Variants in DPH6 observed in about 807,000 individuals in gnomAD.
The protein encoded by DPH6 is diphthamine biosynthesis 6, also known as diphthine--ammonia ligase.
In DPH6, 33 loss-of-function variants were observed where a neutral mutation model predicts 38.2. That is an observed-to-expected ratio of 0.86 (90% CI 0.65 to 1.15). DPH6 has a LOEUF of 1.15. Ranked by LOEUF, DPH6 falls within the 50% of genes most tolerant of loss-of-function variation. The pLI, the probability that DPH6 is intolerant of heterozygous loss-of-function variation, is 0.00. For missense variants in DPH6, 325 were observed against 320.0 expected (o/e 1.02, Z -0.12); for synonymous variants, 108 against 103.0 (o/e 1.05, Z -0.30).
intron 3 of DPH6, among the ~76,000 whole-genome samples, chr15:35,488,510 A>G (rs2054434334): frequency 6.6e-6 from 1 of 152,200 alleles, no homozygotes; most frequent in South Asian, 2.1e-4. Flanking sequence ...CGAGTGAGCA[A>G]GAAGTGCCAA....
intron 3 of DPH6, among the ~76,000 whole-genome samples, chr15:35,294,681 TCCCTTTTA>T (rs952063501): frequency 3.3e-5 from 5 of 152,188 alleles, no homozygotes; most frequent in African/African-American, 1.2e-4. Context: ...ACAGGTATAG[TCCCTTTTA>T]CACAGAGCCT....
At chr15:35,222,825 T>C in intron 3 of DPH6, among the ~76,000 whole-genome samples, 1 of 152,088 alleles carries the variant, frequency 6.6e-6, no homozygotes, top group East Asian at 1.9e-4. Flanking sequence ...GAAATTCAAC[T>C]GTTTCAGGGT....
chr15:35,389,372 C>G (rs1219418517), intron 6 of DPH6, among the ~76,000 whole-genome samples: 1 of 152,126 alleles, frequency 6.6e-6, no homozygotes, highest in East Asian at 1.9e-4. Context: ...TGGTGCAGAG[C>G]TGAGTTCAAT....
At chr15:35,402,657 T>C (rs2053235593) in intron 6 of DPH6, among the ~76,000 whole-genome samples, 3 of 152,098 alleles carry the variant, frequency 2.0e-5, no homozygotes, top group Admixed American at 2.0e-4. Flanking sequence ...TATTTGCTTA[T>C]AAGATTATAA....
At chr15:35,541,658 G>A (rs2141567983) in intron 2 of DPH6, among the ~76,000 whole-genome samples, 1 of 152,228 alleles carries the variant, frequency 6.6e-6, no homozygotes, top group East Asian at 1.9e-4. Flanking sequence ...CCTGTGAGAA[G>A]CAGTAATACA....
chr15:35,496,172 T>A (rs77753035), intron 3 of DPH6, among the ~76,000 whole-genome samples: 6,252 of 152,206 alleles, frequency 0.041, 428 homozygotes, highest in African/African-American at 0.14. Flanking sequence ...TCTAATTACT[T>A]AGAAAAAATT....
intron 3 of DPH6, among the ~76,000 whole-genome samples, chr15:35,350,024 T>A (rs1340520580): frequency 6.6e-6 from 1 of 152,160 alleles, no homozygotes; most frequent in African/African-American, 2.4e-5. Context: ...GAGAAGGATT[T>A]TTGTTAGTTC....
intron 3 of DPH6, among the ~76,000 whole-genome samples, chr15:35,475,402 C>A (rs904372604): frequency 4.0e-5 from 6 of 151,872 alleles, no homozygotes; most frequent in Non-Finnish European, 8.8e-5. Flanking sequence ...CAATCAAAAT[C>A]TGAAATCATA....
At chr15:35,395,445 T>C (rs192931416) in intron 6 of DPH6, among the ~76,000 whole-genome samples, 142 of 152,336 alleles carry the variant, frequency 9.3e-4, no homozygotes, top group African/African-American at 3.3e-3. Flanking sequence ...CCCAAATCAC[T>C]TGGCCTATCT....
chr15:35,212,718 C>T (rs937593114), downstream of DPH6, among the ~76,000 whole-genome samples: 21 of 152,130 alleles, frequency 1.4e-4, no homozygotes, highest in Admixed American at 1.3e-3. Context: ...GTCTCCTTTC[C>T]TTCTAAAACT....
chr15:35,158,463 ATT>A, the DPH6 span, among the ~76,000 whole-genome samples: 1 of 152,116 alleles, frequency 6.6e-6, no homozygotes, highest in Non-Finnish European at 1.5e-5. Flanking sequence ...TTTTCTAAAC[ATT>A]CTTACAGCAA....
chr15:35,511,142 C>T (rs547603626), intron 3 of DPH6, among the ~76,000 whole-genome samples: 1 of 152,214 alleles, frequency 6.6e-6, no homozygotes, highest in African/African-American at 2.4e-5. Context: ...TTAATAAGAT[C>T]CCCAAATGAT....
chr15:35,336,180 C>A (rs1056162806), intron 3 of DPH6, among the ~76,000 whole-genome samples: 3 of 151,796 alleles, frequency 2.0e-5, no homozygotes, highest in Non-Finnish European at 4.4e-5. Context: ...TCTCTGCTTG[C>A]CTGTTGTTGG....
chr15:35,428,852 G>A lies in DPH6; in HGVS notation c.506-17956C>T, dbSNP rs187305426. Among the ~76,000 whole-genome samples the A allele has an allele frequency of 5.6e-3, 848 of 152,050 alleles. 10 individuals carry two copies. The highest frequency in any genetic ancestry group is 0.019 in the African/African-American group (779 of 41,506). The stretch of plus-strand genomic sequence containing the variant: ...TTGTTCTGGTCACTCTCTACTCACC[G>A]AATTACATTTGTTTCTGTGTCCCAC... On this transcript the variant is annotated intron_variant, in intron 5 of 8. Transcript: ENST00000256538.
intron 3 of DPH6, among the ~76,000 whole-genome samples, chr15:35,481,468 C>G (rs545018562): frequency 6.6e-6 from 1 of 151,882 alleles, no homozygotes; most frequent in Non-Finnish European, 1.5e-5. Flanking sequence ...GATCTTGATT[C>G]AAACAAAAAA....
chr15:35,230,596 A>G (rs2051510565), intron 3 of DPH6, among the ~76,000 whole-genome samples: 1 of 152,158 alleles, frequency 6.6e-6, no homozygotes, highest in Non-Finnish European at 1.5e-5. Flanking sequence ...CCCTGTAGTC[A>G]CAACTGGGAA....
chr15:35,458,513 T>C (rs1442889991), intron 3 of DPH6, among the ~76,000 whole-genome samples: 1 of 152,222 alleles, frequency 6.6e-6, no homozygotes, highest in Admixed American at 6.5e-5. Flanking sequence ...ATAGTCAATC[T>C]ACGCCTTAGA....
At chr15:35,454,709 CAT>C in intron 4 of DPH6, 36 bp downstream of exon 4, 2 of 1,502,538 alleles carry the variant, frequency 1.3e-6, no homozygotes, top group Non-Finnish European at 1.8e-6. Context: ...TCTTAAAACA[CAT>C]ACACTTTTAA....
At chr15:35,545,791 C>T (rs1178521098) in intron 1 of DPH6, among the ~76,000 whole-genome samples, 1 of 152,130 alleles carries the variant, frequency 6.6e-6, no homozygotes, top group East Asian at 1.9e-4. Context: ...GACGCCGGGT[C>T]GCACAGAAGT....
Sources: gnomAD v4.1 joint callset for allele counts (sites outside exome capture counted in the v4.1 genomes callset) on GRCh38, gnomAD v4.1.1 for gene constraint, MANE v1.5 for transcripts, NCBI Gene and HGNC (gene_info 2026-07-23, HGNC 2026-07-21) for gene names.